Variants in TSPAN18 observed in about 807,000 individuals in gnomAD.
The protein encoded by TSPAN18 is tetraspanin 18, also known as tetraspanin-18.
Under a neutral mutation model 27.3 loss-of-function variants are expected in TSPAN18, and 14 were observed. That is an observed-to-expected ratio of 0.51 (90% CI 0.34 to 0.80). The LOEUF is 0.80. Ranked by LOEUF, TSPAN18 falls within the 30% of genes least tolerant of loss-of-function variation. The probability of loss-of-function intolerance (pLI) is 0.01; values close to 1 mark genes in which losing one functional copy is unlikely to be tolerated. For missense variants in TSPAN18, 268 were observed against 323.9 expected (o/e 0.83, Z 1.32); for synonymous variants, 143 against 136.5 (o/e 1.05, Z -0.33).
At chr11:44,793,959 T>C (rs1350612988) in intron 2 of TSPAN18, among the ~76,000 whole-genome samples, 1 of 151,662 alleles carries the variant, frequency 6.6e-6, no homozygotes, top group Non-Finnish European at 1.5e-5. Flanking sequence ...TGTATTTTTT[T>C]CTGAAAGGTT....
chr11:44,827,767 G>A (rs138496812), intron 2 of TSPAN18, among the ~76,000 whole-genome samples: 71 of 152,342 alleles, frequency 4.7e-4, no homozygotes, highest in African/African-American at 1.3e-3. Context: ...ATGCTGAGGC[G>A]TTTGGAGACA....
At chr11:44,896,595 G>A (rs895726953) in intron 3 of TSPAN18, among the ~76,000 whole-genome samples, 21 of 152,114 alleles carry the variant, frequency 1.4e-4, no homozygotes, top group African/African-American at 4.6e-4. Context: ...TGTCTCAGGA[G>A]GGAGGCCTCT....
intron 3 of TSPAN18, among the ~76,000 whole-genome samples, chr11:44,892,923 C>T (rs1204183093): frequency 6.6e-6 from 1 of 152,180 alleles, no homozygotes; most frequent in Non-Finnish European, 1.5e-5. Context: ...CAGGAGTTAC[C>T]TACGTGCAGG....
intron 2 of TSPAN18, among the ~76,000 whole-genome samples, chr11:44,821,732 C>T (rs1435842699): frequency 1.3e-5 from 2 of 152,198 alleles, no homozygotes; most frequent in Non-Finnish European, 2.9e-5. Flanking sequence ...TCTTCTATAT[C>T]CCTGACTACA....
At chr11:44,924,720 T>C (rs866943130) in intron 8 of TSPAN18, among the ~76,000 whole-genome samples, 1 of 147,858 alleles carries the variant, frequency 6.8e-6, no homozygotes, top group Middle Eastern at 3.6e-3. Flanking sequence ...TTCTGCATTT[T>C]AGGGTTCTAA....
intron 3 of TSPAN18, among the ~76,000 whole-genome samples, chr11:44,892,504 T>C (rs1232168284): frequency 6.6e-6 from 1 of 152,272 alleles, no homozygotes; most frequent in East Asian, 1.9e-4. Flanking sequence ...TTGCCTTGCC[T>C]TCTGACAAAG....
chr11:44,734,224 A>G (rs1180607222), intron 1 of TSPAN18, among the ~76,000 whole-genome samples: 4 of 152,194 alleles, frequency 2.6e-5, no homozygotes, highest in African/African-American at 9.7e-5. Context: ...ATGAGCCAAA[A>G]AAACCCTCTT....
At chr11:44,919,602 G>A (rs1860047569) in intron 7 of TSPAN18, 1 of 618,412 alleles carries the variant, frequency 1.6e-6, no homozygotes, top group Admixed American at 2.9e-5. Flanking sequence ...TGGTGAGGTA[G>A]GAATTGTTAC....
intron 8 of TSPAN18, among the ~76,000 whole-genome samples, chr11:44,920,635 A>G (rs1301605080): frequency 6.6e-6 from 1 of 151,922 alleles, no homozygotes; most frequent in Admixed American, 6.6e-5. Context: ...CCTTCTTCCC[A>G]CTGACCAGCC....
chr11:44,829,663 G>T (rs370604465), intron 2 of TSPAN18, among the ~76,000 whole-genome samples: 1 of 152,010 alleles, frequency 6.6e-6, no homozygotes. Context: ...GGTTTTTTGC[G>T]TGGATACAAA....
At position 44,851,623 on chromosome 11, in the gene TSPAN18, C is replaced by G. The variant is rs376890512; in HGVS notation, c.-152-8705C>G. On this transcript the variant is annotated intron_variant, in intron 2 of 9. Coordinates refer to ENST00000520358, the MANE Select transcript of TSPAN18 (RefSeq NM_130783.5). Reference sequence around the variant, plus strand: ...CAGGTACTCTTGTCACCTCCCCCCCCCAACGGCTGGGTCCCTGTCTACCTC... The same window carrying G: ...CAGGTACTCTTGTCACCTCCCCCCCGCAACGGCTGGGTCCCTGTCTACCTC... 1.7e-3 allele frequency among the ~76,000 whole-genome samples: 246 copies of G among 148,596 alleles called. 9 individuals carry two copies. The South Asian group carries it at 0.036, about 22-fold the overall frequency.
At chr11:44,883,734 T>G (rs1429380177) in intron 3 of TSPAN18, among the ~76,000 whole-genome samples, 1 of 152,214 alleles carries the variant, frequency 6.6e-6, no homozygotes, top group Non-Finnish European at 1.5e-5. Context: ...GGTTTCTGAT[T>G]CTGCTCCACG....
chr11:44,854,210 GGT>G (rs1857677032), intron 2 of TSPAN18, among the ~76,000 whole-genome samples: 5 of 131,786 alleles, frequency 3.8e-5, no homozygotes, highest in African/African-American at 1.3e-4. Context: ...TGGGGGGGGG[GGT>G]TTGTGTGCGT....
chr11:44,809,633 T>C (rs555448857), intron 2 of TSPAN18, among the ~76,000 whole-genome samples: 4 of 116,214 alleles, frequency 3.4e-5, no homozygotes, highest in African/African-American at 1.0e-4. Context: ...GCTTGGAGTG[T>C]GTATCTCAAG....
intron 3 of TSPAN18, chr11:44,897,861 G>A (rs1565197449): frequency 7.8e-7 from 1 of 1,289,332 alleles, no homozygotes; most frequent in African/African-American, 1.5e-5. Flanking sequence ...TCCCTTCTCA[G>A]TGTACCTCTG....
chr11:44,747,275 G>A (rs980271592), intron 1 of TSPAN18, among the ~76,000 whole-genome samples: 2 of 152,248 alleles, frequency 1.3e-5, no homozygotes, highest in African/African-American at 4.8e-5. Flanking sequence ...CAGCTCTCTG[G>A]GGCACAGAAC....
intron 2 of TSPAN18, among the ~76,000 whole-genome samples, chr11:44,799,134 A>G (rs565194042): frequency 3.2e-4 from 49 of 151,614 alleles, no homozygotes; most frequent in African/African-American, 1.1e-3. Context: ...CGGTGCAGAG[A>G]GGACACAATG....
chr11:44,885,505 G>C (rs1463771337), intron 3 of TSPAN18, among the ~76,000 whole-genome samples: 1 of 151,748 alleles, frequency 6.6e-6, no homozygotes, highest in East Asian at 1.9e-4. Flanking sequence ...CTCTGTGGAA[G>C]GATGAGGCAT....
At chr11:44,828,298 A>G (rs896260051) in intron 2 of TSPAN18, among the ~76,000 whole-genome samples, 3 of 152,066 alleles carry the variant, frequency 2.0e-5, no homozygotes, top group African/African-American at 7.2e-5. Context: ...TTATTGACTG[A>G]TTGCTGCATT....
Sources: allele counts gnomAD v4.1 joint callset (sites outside exome capture counted in the v4.1 genomes callset), GRCh38; gene constraint gnomAD v4.1.1; transcripts MANE v1.5; gene names NCBI Gene and HGNC (gene_info 2026-07-23, HGNC 2026-07-21).